Variants in H3-3A observed in about 807,000 individuals in gnomAD.
H3-3A encodes the protein H3.3 histone A, also known as histone H3.3.
For synonymous variants in H3-3A, 49 were observed against 61.4 expected, an observed-to-expected ratio of 0.80 and a Z score of 0.95; for missense variants, 7 against 184.0, an observed-to-expected ratio of 0.04 and a Z score of 5.57.
At chr1:226,063,325 C>G (rs1408633513) in intron 1 of H3-3A, among the ~76,000 whole-genome samples, 1 of 152,150 alleles carries the variant, frequency 6.6e-6, no homozygotes, top group Non-Finnish European at 1.5e-5. Context: ...TCCCCCGTTT[C>G]TCTCTTCCCC....
intron 3 of H3-3A, chr1:226,066,554 C>G (rs939151533): frequency 6.6e-6 from 1 of 152,196 alleles, no homozygotes; most frequent in South Asian, 2.1e-4. Context: ...GAAATTCCTA[C>G]AAGATACTTG....
chr1:226,062,495 TAC>T (rs1195446189), upstream of H3-3A, among the ~76,000 whole-genome samples: 3 of 147,256 alleles, frequency 2.0e-5, no homozygotes, highest in East Asian at 2.1e-4. Context: ...TTTGTGTTTG[TAC>T]ACACACGGCG....
At chr1:226,066,281 G>A (rs773488816) in intron 3 of H3-3A, 11 of 162,506 alleles carry the variant, frequency 6.8e-5, no homozygotes, top group East Asian at 1.8e-4. Context: ...AAAAAATTAT[G>A]CATTAAGACG....
At chr1:226,065,476 G>A (rs1003204462) in intron 2 of H3-3A, among the ~76,000 whole-genome samples, 180 bp from the exon 3 acceptor site, 4 of 152,122 alleles carry the variant, frequency 2.6e-5, no homozygotes, top group Non-Finnish European at 5.9e-5. Flanking sequence ...TGCTTTAAAG[G>A]TATTGTTACT....
At chr1:226,070,227 A>G (rs1204419705) in intron 3 of H3-3A, among the ~76,000 whole-genome samples, 1 of 152,212 alleles carries the variant, frequency 6.6e-6, no homozygotes, top group Non-Finnish European at 1.5e-5. Context: ...CACTCCTGTA[A>G]TCCCAGCACT....
At chr1:226,063,200 G>A (rs1342323227) in intron 1 of H3-3A, among the ~76,000 whole-genome samples, 1 of 152,006 alleles carries the variant, frequency 6.6e-6, no homozygotes, top group African/African-American at 2.4e-5. Context: ...GCGGGAAAGG[G>A]GTGGAAATCG....
At chr1:226,066,527 A>C (rs980824163) in intron 3 of H3-3A, 10 of 152,210 alleles carry the variant, frequency 6.6e-5, no homozygotes, top group Non-Finnish European at 1.3e-4. Context: ...TTGTGGTTTA[A>C]GTTAAGACCA....
upstream of H3-3A, among the ~76,000 whole-genome samples, chr1:226,062,276 G>A (rs905630337): frequency 1.1e-4 from 17 of 149,856 alleles, no homozygotes; most frequent in Non-Finnish European, 2.4e-4. Context: ...CCCCGCCGCG[G>A]CCCGAGACGC....
intron 3 of H3-3A, among the ~76,000 whole-genome samples, chr1:226,069,478 C>T (rs1437917845): frequency 6.6e-6 from 1 of 152,170 alleles, no homozygotes; most frequent in African/African-American, 2.4e-5. Context: ...ATTTCATGCT[C>T]CAGATCCAAA....
chr1:226,071,300 T>C (rs1658114917), intron 3 of H3-3A, 51 bp from the exon 4 acceptor site: 2 of 1,495,544 alleles, frequency 1.3e-6, no homozygotes, highest in Non-Finnish European at 1.9e-6. Flanking sequence ...AGTTGGGTCT[T>C]AACTATTGGA....
chr1:226,069,520 G>C (rs1469778370), intron 3 of H3-3A, among the ~76,000 whole-genome samples: 1 of 152,030 alleles, frequency 6.6e-6, no homozygotes, highest in Non-Finnish European at 1.5e-5. Flanking sequence ...TTTTAAAATG[G>C]TAATTTCTCC....
chr1:226,071,263 C>A, intron 3 of H3-3A, 88 bp from the exon 4 acceptor site: 1 of 1,091,246 alleles, frequency 9.2e-7, no homozygotes, highest in Non-Finnish European at 1.4e-6. Flanking sequence ...TTAAAGGGTT[C>A]AAAAACCTTT....
chr1:226,066,634 T>G (rs41268725), intron 3 of H3-3A: 4 of 152,328 alleles, frequency 2.6e-5, no homozygotes, highest in Non-Finnish European at 4.4e-5. Context: ...GGTTGGATTC[T>G]TTAGTTGCAA....
chr1:226,068,349 G>A (rs1259303241), intron 3 of H3-3A, among the ~76,000 whole-genome samples: 3 of 152,224 alleles, frequency 2.0e-5, no homozygotes, highest in African/African-American at 7.2e-5. Flanking sequence ...CCACATCTGA[G>A]TGGTTCTAAG....
At chr1:226,065,109 T>TA (rs918354223) in intron 2 of H3-3A, among the ~76,000 whole-genome samples, 4 of 152,146 alleles carry the variant, frequency 2.6e-5, no homozygotes, top group Non-Finnish European at 5.9e-5. Context: ...AATTACTTAG[T>TA]AAAAAAAACT....
Position 226,071,487 on chromosome 1 carries a change from C to G in H3-3A, c.*8C>G. Reference sequence around the variant, plus strand: ...CGTGGAGAACGTGCTTAAGAATCCACTATGATGGGAAACATTTCATTCTCA... The same window carrying G: ...CGTGGAGAACGTGCTTAAGAATCCAGTATGATGGGAAACATTTCATTCTCA... On this transcript the variant is annotated 3_prime_UTR_variant, in exon 4 of 4. Coordinates refer to ENST00000366815, the MANE Select transcript of H3-3A (RefSeq NM_002107.7). 2.0e-6 allele frequency: 2 copies of G among 1,021,412 alleles called. No individual in the cohort carries two copies. Among genetic ancestry groups the G allele is most frequent in the East Asian group, 5.3e-5 (2 of 37,596 alleles). 63.3% of individuals were successfully genotyped at this position (1,021,412 alleles called of 1,614,324 possible). A position where few individuals can be genotyped will look rare whatever the true frequency, so the allele number is the denominator to read the frequency against.
chr1:226,064,662 G>C (rs1245854450), intron 2 of H3-3A, among the ~76,000 whole-genome samples, 183 bp downstream of exon 2: 1 of 151,802 alleles, frequency 6.6e-6, no homozygotes, highest in Non-Finnish European at 1.5e-5. Flanking sequence ...TTAAGTATTA[G>C]GTTTTATTGA....
intron 3 of H3-3A, chr1:226,066,896 A>G (rs1657943014): frequency 6.6e-6 from 1 of 152,206 alleles, no homozygotes; most frequent in African/African-American, 2.4e-5. Context: ...AGCTGTTTCT[A>G]TGGTTAATCT....
intron 3 of H3-3A, among the ~76,000 whole-genome samples, chr1:226,070,345 G>C (rs1053087706): frequency 6.6e-6 from 1 of 151,980 alleles, no homozygotes; most frequent in African/African-American, 2.4e-5. Flanking sequence ...GGTGGTGGGC[G>C]CCTGTAGCCC....
Sources: gnomAD v4.1 joint callset for allele counts (sites outside exome capture counted in the v4.1 genomes callset) on GRCh38, gnomAD v4.1.1 for gene constraint, MANE v1.5 for transcripts, NCBI Gene and HGNC (gene_info 2026-07-23, HGNC 2026-07-21) for gene names.